The following TNFRSF8 variants were observed in gnomAD, a reference collection of about 807,000 sequenced individuals.
The protein encoded by TNFRSF8 is TNF receptor superfamily member 8.
TNFRSF8 carries 26 observed loss-of-function variants against 70.8 expected under a neutral mutation model. The observed-to-expected ratio is 0.37, with a 90% CI of 0.27 to 0.51. The LOEUF (loss-of-function observed/expected upper bound fraction) is 0.51. Ranked by LOEUF, TNFRSF8 falls within the 20% of genes least tolerant of loss-of-function variation. The pLI is 0.94. For missense variants in TNFRSF8, 720 were observed against 807.9 expected, an observed-to-expected ratio of 0.89 and a Z score of 1.32; for synonymous variants, 356 against 339.2, an observed-to-expected ratio of 1.05 and a Z score of -0.54.
chr1:12,111,849 G>C, intron 6 of TNFRSF8, 49 bp from the exon 7 acceptor site: 1 of 1,527,082 alleles, frequency 6.5e-7, no homozygotes, highest in Non-Finnish European at 9.1e-7. Flanking sequence ...GGGGAGTGAG[G>C]CCTTTGCCAA....
chr1:12,117,529 C>T (rs1195789058), intron 8 of TNFRSF8, among the ~76,000 whole-genome samples: 2 of 152,136 alleles, frequency 1.3e-5, no homozygotes, highest in African/African-American at 4.8e-5. Flanking sequence ...CACCCCATCA[C>T]CCTGAAATGG....
chr1:12,084,576 G>C (rs781247778), intron 2 of TNFRSF8, 25 bp downstream of exon 2: 1 of 1,600,258 alleles, frequency 6.2e-7, no homozygotes, highest in Non-Finnish European at 8.6e-7. Flanking sequence ...TGGGGGTGGG[G>C]AGAAGGGGGG....
Position 12,088,834 on chromosome 1 carries a change from C to T in TNFRSF8, c.151+4283C>T, listed in dbSNP as rs186151061. ...CCCTTGGGTAAAGCTCAGCTTTGTGCATGGGCACGCCCATTTGGCATGACA... is the reference window on the plus strand; with the variant it reads ...CCCTTGGGTAAAGCTCAGCTTTGTGTATGGGCACGCCCATTTGGCATGACA... On this transcript the variant is annotated intron_variant, in intron 2 of 14. Coordinates refer to ENST00000263932, the MANE Select transcript of TNFRSF8 (RefSeq NM_001243.5). The surrounding 1 kb of genome is among the most constrained non-coding windows in gnomAD (Gnocchi z 4.0). Among the ~76,000 whole-genome samples the T allele has an allele frequency of 9.8e-5, 15 of 152,374 alleles. No individual in the cohort carries two copies. Among genetic ancestry groups the T allele is most frequent in the Non-Finnish European group, 2.9e-5 (2 of 68,036 alleles).
rs536962830 is a variant in TNFRSF8 at position 12,071,651 on chromosome 1, C to T, written c.63+7990C>T. Among the ~76,000 whole-genome samples the T allele has an allele frequency of 6.2e-3, 938 of 151,794 alleles. 15 individuals carry two copies. Among genetic ancestry groups the T allele is most frequent in the Admixed American group, 8.6e-3 (132 of 15,270 alleles). On this transcript the variant is annotated intron_variant, in intron 1 of 14. Transcript: ENST00000263932. ...ATCTCTCGGCTCACTGCAACCTCCA[C>T]CTCCTGGGTTCAAGTGATTCTCCTG...
At position 12,142,743 on chromosome 1, in the gene TNFRSF8, C is replaced by A; in HGVS notation, c.*212C>A. The A allele has an allele frequency of 1.6e-6, 1 of 628,152 alleles. No homozygotes were observed. Among genetic ancestry groups the A allele is most frequent in the Non-Finnish European group, 2.7e-6 (1 of 370,480 alleles). 38.9% of individuals were successfully genotyped at this position (628,152 alleles called of 1,614,324 possible). On this transcript the variant is annotated 3_prime_UTR_variant, in exon 15 of 15. Coordinates refer to ENST00000263932, the MANE Select transcript of TNFRSF8 (RefSeq NM_001243.5). This position sits in a 1 kb window ranked among gnomAD's most constrained non-coding sequence, Gnocchi z 5.0. ...CCCCTGACCCAGAGCCTAGGGGATCCGGGGCTTGTACAGAAGAGACAGTCC... is the reference window on the plus strand; with the variant it reads ...CCCCTGACCCAGAGCCTAGGGGATCAGGGGCTTGTACAGAAGAGACAGTCC...
chr1:12,104,943 T>G (rs1486586672), intron 4 of TNFRSF8, among the ~76,000 whole-genome samples: 2 of 152,196 alleles, frequency 1.3e-5, no homozygotes, highest in Non-Finnish European at 2.9e-5. Context: ...GGCCCCAGGC[T>G]CAAGACTTGA....
At chr1:12,135,742 C>T (rs1642134255) in intron 13 of TNFRSF8, 129 bp downstream of exon 13, 1 of 1,307,196 alleles carries the variant, frequency 7.6e-7, no homozygotes, top group Middle Eastern at 1.9e-4. Context: ...CATTCCCCTC[C>T]CACAGTGCCC....
intron 4 of TNFRSF8, among the ~76,000 whole-genome samples, chr1:12,106,553 T>C (rs1641527493): frequency 6.6e-6 from 1 of 152,090 alleles, no homozygotes; most frequent in Non-Finnish European, 1.5e-5. Flanking sequence ...CCCCACTGCC[T>C]GATCAAATGC....
Position 12,138,090 on chromosome 1 carries a change from G to T in TNFRSF8, c.1336-139G>T, listed in dbSNP as rs569578646. 1 of 800,958 alleles carries T rather than the reference G, an allele frequency of 1.2e-6. No homozygotes were observed. Among genetic ancestry groups the T allele is most frequent in the Admixed American group, 3.0e-5 (1 of 33,326 alleles). 49.6% of individuals were successfully genotyped at this position (800,958 alleles called of 1,614,324 possible). A position where few individuals can be genotyped will look rare whatever the true frequency, so the allele number is the denominator to read the frequency against. ...CACCCAGAAAGCTGAGAAGCCCGGG[G>T]CAGCTCATGGCAGCTTTTAAAGCAG... is the stretch of plus-strand genomic sequence containing the variant. On this transcript the variant is annotated intron_variant, in intron 13 of 14. Transcript: ENST00000263932. The surrounding 1 kb of genome is among the most constrained non-coding windows in gnomAD (Gnocchi z 5.7).
chr1:12,105,937 C>G (rs1641514894), intron 4 of TNFRSF8, among the ~76,000 whole-genome samples: 1 of 128,442 alleles, frequency 7.8e-6, no homozygotes, highest in Admixed American at 8.0e-5. Context: ...AAGACTCCGT[C>G]TCAAAAAAAA....
At position 12,126,003 on chromosome 1, in the gene TNFRSF8, C is replaced by T. The variant is rs762096603; in HGVS notation, c.1206C>T (p.Ser402=). Residue 402 remains serine (S), a synonymous_variant, in exon 11 of 15, where the codon AGC becomes AGT. Coordinates refer to ENST00000263932, the MANE Select transcript of TNFRSF8 (RefSeq NM_001243.5). ...ILVLVVVVGS[S]AFLLCHRRAC... ...TGTTGGTTGTGGTGGTCGGCTCCAG[C>T]GCCTTCCTCCTGTGCCACCGGAGGG... 6.2e-6 allele frequency: 10 copies of T among 1,613,694 alleles called. No individual in the cohort carries two copies. The highest frequency in any genetic ancestry group is 4.5e-5 in the East Asian group (2 of 44,868).
chr1:12,128,833 C>CTTTTTTTTTT (rs60878706), intron 12 of TNFRSF8, among the ~76,000 whole-genome samples: 4 of 111,772 alleles, frequency 3.6e-5, no homozygotes, highest in African/African-American at 7.2e-5. Flanking sequence ...GTCTAAAATT[C>CTTTTTTTTTT]TTTTTTTTTT....
chr1:12,137,721 CG>C (rs1306843990), intron 13 of TNFRSF8, among the ~76,000 whole-genome samples: 2 of 151,896 alleles, frequency 1.3e-5, no homozygotes, highest in African/African-American at 2.4e-5. Context: ...TCCAGGATGT[CG>C]GGGCTGGGGA....
intron 1 of TNFRSF8, among the ~76,000 whole-genome samples, chr1:12,072,012 T>G (rs965605639): frequency 6.6e-6 from 1 of 152,192 alleles, no homozygotes; most frequent in Non-Finnish European, 1.5e-5. Context: ...AGCATTTCGT[T>G]AAAGGTATGA....
chr1:12,105,573 TCACACA>T (rs34007480), intron 4 of TNFRSF8, among the ~76,000 whole-genome samples: 6 of 147,360 alleles, frequency 4.1e-5, no homozygotes, highest in African/African-American at 1.3e-4. Context: ...TCTCTCTGTC[TCACACA>T]CACACACACA....
At chr1:12,076,097 CTTTTTCTTTTTTTT>C (rs141835285) in intron 1 of TNFRSF8, among the ~76,000 whole-genome samples, 37,691 of 139,490 alleles carry the variant, frequency 0.27, 7,669 homozygotes, top group African/African-American at 0.57. Flanking sequence ...TTTTTTTTTT[CTTTTTCTTTTTTTT>C]TTTTTTGAGA....
intron 3 of TNFRSF8, among the ~76,000 whole-genome samples, chr1:12,099,716 A>G (rs1292298531): frequency 6.6e-6 from 1 of 151,646 alleles, no homozygotes; most frequent in African/African-American, 2.4e-5. Flanking sequence ...GTACTTACAC[A>G]CACCTACATG....
chr1:12,084,648 C>T (rs1014707041), intron 2 of TNFRSF8, 97 bp downstream of exon 2: 14 of 1,130,204 alleles, frequency 1.2e-5, no homozygotes, highest in South Asian at 6.7e-5. Context: ...TGGAGCCAAC[C>T]GTCATCGTCA....
rs1460103875 is a variant in TNFRSF8, at chr1:12,142,274, T to C, written c.1544-13T>C. The C allele has an allele frequency of 6.3e-7, 1 of 1,575,296 alleles. No homozygotes were observed. The highest frequency in any genetic ancestry group is 1.8e-5 in the Admixed American group (1 of 55,598). On this transcript the variant is annotated splice_polypyrimidine_tract_variant and intron_variant, in intron 14 of 14. Coordinates refer to ENST00000263932, the MANE Select transcript of TNFRSF8 (RefSeq NM_001243.5). The surrounding 1 kb of genome is among the most constrained non-coding windows in gnomAD (Gnocchi z 5.0). ...TCTGGCCTCCCTCGCTCACCCATCCTTTTGCCTTGCAGAGAAAATCTACAT... is the reference window on the plus strand; with the variant it reads ...TCTGGCCTCCCTCGCTCACCCATCCCTTTGCCTTGCAGAGAAAATCTACAT...
Sources: allele counts gnomAD v4.1 joint callset (sites outside exome capture counted in the v4.1 genomes callset), GRCh38; gene constraint gnomAD v4.1.1; non-coding constraint Gnocchi (gnomAD v3.1); transcripts MANE v1.5; gene names NCBI Gene and HGNC (gene_info 2026-07-23, HGNC 2026-07-21).